EFCAB13: variants seen among roughly 807,000 people sequenced by gnomAD.
EFCAB13 encodes EF-hand calcium-binding domain-containing protein 13.
Under a neutral mutation model 110.2 loss-of-function variants are expected in EFCAB13, and 91 were observed. That is an observed-to-expected ratio of 0.83 (90% confidence interval 0.70 to 0.98). The LOEUF (loss-of-function observed/expected upper bound fraction) is 0.98. Ranked by LOEUF, EFCAB13 falls within the 50% of genes least tolerant of loss-of-function variation. The probability of loss-of-function intolerance (pLI) is 0.00; values close to 1 mark genes in which losing one functional copy is unlikely to be tolerated. For missense variants in EFCAB13, 968 were observed against 1,119.4 expected (o/e 0.86, Z 1.93); for synonymous variants, 323 against 369.9 (o/e 0.87, Z 1.45).
At chr17:47,353,293 A>G (rs1450344183) in intron 9 of EFCAB13, among the ~76,000 whole-genome samples, 1 of 150,974 alleles carries the variant, frequency 6.6e-6, no homozygotes, top group Non-Finnish European at 1.5e-5. Flanking sequence ...TTATTTATTT[A>G]TTATTTTTTT....
chr17:47,324,943 T>TG (rs2065272188), intron 2 of EFCAB13, among the ~76,000 whole-genome samples: 1 of 146,250 alleles, frequency 6.8e-6, no homozygotes, highest in African/African-American at 2.5e-5. Context: ...CCCACCCAGA[T>TG]GGCTCCTTTC....
chr17:47,355,517 A>G (rs118028096), intron 9 of EFCAB13, among the ~76,000 whole-genome samples: 3,403 of 147,738 alleles, frequency 0.023, 101 homozygotes, highest in East Asian at 0.18. Flanking sequence ...AACACCGATT[A>G]TTCTTAGGCT....
chr17:47,404,482 A>G (rs554153015), intron 19 of EFCAB13, 80 bp from the exon 20 acceptor site: 62 of 1,035,880 alleles, frequency 6.0e-5, no homozygotes, highest in Admixed American at 5.2e-4. Context: ...TATATAAGTC[A>G]TATGCTGATT....
chr17:47,394,203 T>C, intron 16 of EFCAB13, 104 bp downstream of exon 16: 1 of 653,616 alleles, frequency 1.5e-6, no homozygotes, highest in Non-Finnish European at 2.4e-6. Context: ...CTAGTTATCC[T>C]GCAGGTCATC....
intron 5 of EFCAB13, among the ~76,000 whole-genome samples, chr17:47,337,284 G>C (rs1225626737): frequency 1.3e-5 from 2 of 152,166 alleles, no homozygotes; most frequent in East Asian, 1.9e-4. Flanking sequence ...GGGGTACAGT[G>C]CATGTTTTCC....
rs939904221 is a variant in EFCAB13 at position 47,412,893 on chromosome 17, C to T, written c.2399C>T (p.Ala800Val). 1.9e-6 allele frequency: 3 copies of T among 1,613,250 alleles called. No individual in the cohort carries two copies. Among genetic ancestry groups the T allele is most frequent in the African/African-American group, 2.7e-5 (2 of 74,868 alleles). Residue 800 changes from alanine (A) to valine (V), a missense_variant, in exon 22 of 25, where the codon GCC becomes GTC. By Grantham distance (64) the Ala-to-Val change is moderately conservative. Transcript: ENST00000331493. ...VNLTEEDFNE[A>V]LNCCNVSDNM... Reference sequence around the variant, plus strand: ...TTAACTGAGGAGGACTTCAATGAAGCCCTTAACTGTTGTAACGTCAGTGGT... The same window carrying T: ...TTAACTGAGGAGGACTTCAATGAAGTCCTTAACTGTTGTAACGTCAGTGGT...
intron 9 of EFCAB13, among the ~76,000 whole-genome samples, chr17:47,360,529 C>A (rs1327210354): frequency 6.6e-6 from 1 of 152,030 alleles, no homozygotes; most frequent in Non-Finnish European, 1.5e-5. Flanking sequence ...GATATTAGCC[C>A]TTTGTCAGAT....
chr17:47,381,324 G>C (rs914532752), intron 14 of EFCAB13, among the ~76,000 whole-genome samples: 2 of 152,036 alleles, frequency 1.3e-5, no homozygotes, highest in Non-Finnish European at 2.9e-5. Flanking sequence ...TCTGATGATA[G>C]TTTCTTTTGC....
chr17:47,366,805 G>T (rs989708795), intron 10 of EFCAB13, among the ~76,000 whole-genome samples: 1 of 152,194 alleles, frequency 6.6e-6, no homozygotes, highest in Admixed American at 6.5e-5. Flanking sequence ...TTGCATAGAT[G>T]CAAGGAATAA....
At chr17:47,338,301 G>A (rs930521831) in intron 5 of EFCAB13, among the ~76,000 whole-genome samples, 7 of 150,176 alleles carry the variant, frequency 4.7e-5, no homozygotes, top group Non-Finnish European at 7.4e-5. Flanking sequence ...CCTGGCTGGA[G>A]TGCAGTGGCA....
intron 20 of EFCAB13, among the ~76,000 whole-genome samples, chr17:47,404,893 T>A (rs1052978615): frequency 6.6e-6 from 1 of 152,094 alleles, no homozygotes; most frequent in Non-Finnish European, 1.5e-5. Context: ...TAAGACATCT[T>A]TATTATATGA....
rs1218334282 is a variant in EFCAB13, at chr17:47,328,273, T to C, written c.-81T>C. 1 of 1,218,772 alleles carries C rather than the reference T, an allele frequency of 8.2e-7. No homozygotes were observed. Among genetic ancestry groups the C allele is most frequent in the Non-Finnish European group, 1.2e-6 (1 of 828,852 alleles). 75.5% of individuals were successfully genotyped at this position (1,218,772 alleles called of 1,614,324 possible). On this transcript the variant is annotated 5_prime_UTR_variant, in exon 4 of 25. Transcript: ENST00000331493. ...TTCTTTCTCTTTTTTTGGCAGGAAA[T>C]CCTTTTGTACTATTGCTCATTCATA... is the stretch of plus-strand genomic sequence containing the variant.
At chr17:47,404,159 A>T (rs1309755563) in intron 19 of EFCAB13, 138 bp downstream of exon 19, 3 of 718,844 alleles carry the variant, frequency 4.2e-6, no homozygotes, top group Non-Finnish European at 6.4e-6. Flanking sequence ...CCTCTTTTGC[A>T]GTTATGAGAA....
At chr17:47,342,731 C>G (rs537924117) in intron 6 of EFCAB13, among the ~76,000 whole-genome samples, 1 of 151,856 alleles carries the variant, frequency 6.6e-6, no homozygotes, top group Admixed American at 6.6e-5. Context: ...CTTTACTGTC[C>G]CTTTGTATCT....
chr17:47,425,185 C>A (rs750203791), intron 23 of EFCAB13, among the ~76,000 whole-genome samples: 20 of 152,074 alleles, frequency 1.3e-4, no homozygotes, highest in Non-Finnish European at 2.9e-4. Context: ...CCCGGCCCTC[C>A]GGTTGACAAT....
chr17:47,376,328 A>C (rs142543146), intron 12 of EFCAB13, among the ~76,000 whole-genome samples: 256 of 150,496 alleles, frequency 1.7e-3, no homozygotes, highest in African/African-American at 5.9e-3. Flanking sequence ...ATTTCAAAAG[A>C]ATTAAAACCT....
chr17:47,398,951 TCTTG>T (rs1230618989), intron 17 of EFCAB13, among the ~76,000 whole-genome samples: 1 of 152,210 alleles, frequency 6.6e-6, no homozygotes, highest in African/African-American at 2.4e-5. Context: ...GGGGACAAGG[TCTTG>T]CTTTGTCACC....
rs1905313267 is a variant in EFCAB13, at chr17:47,440,961, T to G, written c.*247T>G. On this transcript the variant is annotated 3_prime_UTR_variant, in exon 25 of 25. Transcript: ENST00000331493. ...CACTCTTTTTAGGTATACAGTTCTT[T>G]GGATTCTTAAAAATAATGTAATGTA... 1 of 284,824 alleles carries G rather than the reference T, an allele frequency of 3.5e-6. No homozygotes were observed. The highest frequency in any genetic ancestry group is 6.5e-6 in the Non-Finnish European group (1 of 153,232). The allele number at this position is 284,824 out of a possible 1,614,324, so 17.6% of individuals were successfully genotyped here.
intron 23 of EFCAB13, among the ~76,000 whole-genome samples, chr17:47,425,681 C>A (rs1257290168): frequency 6.6e-6 from 1 of 152,158 alleles, no homozygotes; most frequent in Non-Finnish European, 1.5e-5. Context: ...CAGATAGAAA[C>A]TTGAACGTGA....
Sources: allele counts gnomAD v4.1 joint callset (sites outside exome capture counted in the v4.1 genomes callset), GRCh38; gene constraint gnomAD v4.1.1; transcripts MANE v1.5; gene names NCBI Gene and HGNC (gene_info 2026-07-23, HGNC 2026-07-21).